Variants in RASAL2 observed in about 807,000 individuals in gnomAD.
The protein encoded by RASAL2 is ras GTPase-activating protein nGAP.
RASAL2 carries 58 observed loss-of-function variants against 128.9 expected under a neutral mutation model. The ratio of observed to expected loss-of-function variants is 0.45; its 90% CI spans 0.36 to 0.56. RASAL2 has a LOEUF of 0.56. RASAL2 is among the 20% of genes least tolerant of loss of function. The pLI, the probability that RASAL2 is intolerant of heterozygous loss-of-function variation, is 0.00. For synonymous variants in RASAL2, 561 were observed against 580.8 expected (o/e 0.97, Z 0.49); for missense variants, 1,360 against 1,601.6 (o/e 0.85, Z 2.57).
In RASAL2 at chr1:178,456,772, A is replaced by G. The variant is rs148493566; in HGVS notation, c.2263A>G (p.Lys755Glu). Residue 755 changes from lysine (K) to glutamate (E), a missense_variant, in exon 13 of 18, where the codon AAG (lysine) becomes GAG (glutamate). Around this residue, in one of 3 missense-constraint regions of RASAL2, gnomAD observed 741 missense variants for 868.6 expected, o/e 0.85. Coordinates refer to ENST00000367649, the MANE Select transcript of RASAL2 (RefSeq NM_170692.4). ...CCCTCGTGTTCTTGCTGATATTACC[A>G]AGTCATTGACTAATCCTACGCCAAT... The part of the protein sequence containing the change: ...PLPRVLADIT[K>E]SLTNPTPIQQ... 1.0e-4 allele frequency: 167 copies of G among 1,614,022 alleles called. No homozygotes were observed. Among genetic ancestry groups the G allele is most frequent in the Non-Finnish European group, 1.4e-4 (162 of 1,180,030 alleles).
chr1:178,379,792 T>C (rs1672182728), intron 3 of RASAL2, among the ~76,000 whole-genome samples: 1 of 152,166 alleles, frequency 6.6e-6, no homozygotes, highest in Non-Finnish European at 1.5e-5. Flanking sequence ...CTTTTGGGGA[T>C]GTATAATTTA....
chr1:178,456,784 A>G lies in RASAL2; in HGVS notation c.2275A>G (p.Asn759Asp), dbSNP rs199883285. 3 of 1,614,178 alleles carry G rather than the reference A, an allele frequency of 1.9e-6. No individual in the cohort carries two copies. In the East Asian group the frequency reaches 6.7e-5, roughly 36 times the overall value. ...VLADITKSLT[N>D]PTPIQQQLRR... ...TGCTGATATTACCAAGTCATTGACT[A>G]ATCCTACGCCAATACAACAGCAACT... Residue 759 changes from asparagine to aspartate, a missense_variant, in exon 13 of 18, where the codon AAT becomes GAT. Transcript: ENST00000367649.
intron 1 of RASAL2, among the ~76,000 whole-genome samples, chr1:178,165,243 A>G (rs573229973): frequency 4.6e-5 from 7 of 152,176 alleles, no homozygotes; most frequent in Non-Finnish European, 7.4e-5. Context: ...ATATATGTCT[A>G]TAGTTACATA....
At chr1:178,349,478 T>TG (rs1210295135) in intron 3 of RASAL2, among the ~76,000 whole-genome samples, 1 of 151,954 alleles carries the variant, frequency 6.6e-6, no homozygotes, top group Non-Finnish European at 1.5e-5. Flanking sequence ...ACTTTACATT[T>TG]GGGGTCATTG....
At chr1:178,383,249 G>A (rs902310436) in intron 3 of RASAL2, among the ~76,000 whole-genome samples, 1 of 152,152 alleles carries the variant, frequency 6.6e-6, no homozygotes, top group African/African-American at 2.4e-5. Flanking sequence ...ACTTGTTTGA[G>A]TGAAGTACTG....
chr1:178,116,159 A>G (rs961688904), intron 1 of RASAL2, among the ~76,000 whole-genome samples: 1 of 152,220 alleles, frequency 6.6e-6, no homozygotes, highest in East Asian at 1.9e-4. Flanking sequence ...CTGACTAGAA[A>G]TAACCTTTCC....
rs41302551 is a variant in RASAL2 at position 178,456,925 on chromosome 1, A to G, written c.2390+26A>G. 4,453 of 1,594,006 alleles carry G rather than the reference A, an allele frequency of 2.8e-3. 11 individuals carry two copies. Among genetic ancestry groups the G allele is most frequent in the Admixed American group, 4.1e-3 (245 of 59,176 alleles). ...GTATGAAAGAGAGAATTTGACCACT[A>G]TCTCGGAGAAACATAATGTTTAGAT... On this transcript the variant is annotated intron_variant, in intron 13 of 17. Transcript: ENST00000367649.
At chr1:178,244,822 C>T (rs1481156002) in intron 1 of RASAL2, among the ~76,000 whole-genome samples, 1 of 152,068 alleles carries the variant, frequency 6.6e-6, no homozygotes, top group Non-Finnish European at 1.5e-5. Flanking sequence ...TGAGAACATG[C>T]AGTGTTTGGT....
intron 3 of RASAL2, among the ~76,000 whole-genome samples, chr1:178,373,673 C>G (rs541020939): frequency 1.3e-5 from 2 of 152,086 alleles, no homozygotes; most frequent in Non-Finnish European, 2.9e-5. Flanking sequence ...ATTTATTTAT[C>G]TCCTGTTTTT....
chr1:178,287,100 C>G (rs993418196), intron 2 of RASAL2, among the ~76,000 whole-genome samples: 30 of 151,926 alleles, frequency 2.0e-4, no homozygotes, highest in Admixed American at 7.2e-4. Flanking sequence ...TCTCATCACT[C>G]CTTTGCATAC....
chr1:178,297,049 A>G (rs977602236), intron 2 of RASAL2, among the ~76,000 whole-genome samples: 10 of 152,244 alleles, frequency 6.6e-5, no homozygotes, highest in Non-Finnish European at 1.5e-4. Flanking sequence ...GAAGAAAAAA[A>G]AACAAAGAAA....
chr1:178,382,574 C>T (rs925731520), intron 3 of RASAL2, among the ~76,000 whole-genome samples: 3 of 151,686 alleles, frequency 2.0e-5, no homozygotes, highest in Non-Finnish European at 4.4e-5. Flanking sequence ...TAATCCTGCC[C>T]CCACCCTTTT....
chr1:178,233,628 G>A (rs1341518152), intron 1 of RASAL2, among the ~76,000 whole-genome samples: 2 of 152,144 alleles, frequency 1.3e-5, no homozygotes, highest in South Asian at 2.1e-4. Flanking sequence ...TGCTGATGAG[G>A]TCCTTGGAAC....
chr1:178,431,180 A>G (rs531697947), intron 5 of RASAL2, among the ~76,000 whole-genome samples: 1 of 152,136 alleles, frequency 6.6e-6, no homozygotes, highest in South Asian at 2.1e-4. Flanking sequence ...AACTGGGGGG[A>G]AATAATTATA....
intron 1 of RASAL2, among the ~76,000 whole-genome samples, chr1:178,171,783 C>T (rs952201898): frequency 1.3e-5 from 2 of 151,906 alleles, no homozygotes; most frequent in Non-Finnish European, 2.9e-5. Flanking sequence ...TTCTGTTTGG[C>T]AGTCTCTTAT....
chr1:178,211,029 C>CT (rs1052389003), intron 1 of RASAL2, among the ~76,000 whole-genome samples: 2 of 152,186 alleles, frequency 1.3e-5, no homozygotes, highest in Admixed American at 1.3e-4. Flanking sequence ...GATTGGTCAC[C>CT]TGGGGTTTGA....
chr1:178,190,503 T>A (rs1334086988), intron 1 of RASAL2, among the ~76,000 whole-genome samples: 2 of 152,236 alleles, frequency 1.3e-5, no homozygotes, highest in East Asian at 3.8e-4. Context: ...TGATGCTTTA[T>A]GAACTGCATT....
chr1:178,252,627 A>G (rs1393685433), intron 1 of RASAL2, among the ~76,000 whole-genome samples: 1 of 152,202 alleles, frequency 6.6e-6, no homozygotes, highest in East Asian at 1.9e-4. Flanking sequence ...AATCATTAAG[A>G]TCAGAATACA....
At chr1:178,429,868 A>G (rs1319984035) in intron 5 of RASAL2, among the ~76,000 whole-genome samples, 2 of 152,050 alleles carry the variant, frequency 1.3e-5, no homozygotes, top group African/African-American at 4.8e-5. Context: ...ATCCTCATGC[A>G]ACAGTACCCA....
Sources: allele counts gnomAD v4.1 joint callset (sites outside exome capture counted in the v4.1 genomes callset), GRCh38; gene constraint gnomAD v4.1.1; regional missense constraint gnomAD v4.1.1; transcripts MANE v1.5; gene names NCBI Gene and HGNC (gene_info 2026-07-23, HGNC 2026-07-21).